Variants in ERCC3 observed in about 807,000 individuals in gnomAD.
ERCC3 encodes the protein ERCC excision repair 3, TFIIH core complex helicase subunit, also known as general transcription and DNA repair factor IIH helicase/translocase subunit XPB.
Under a neutral mutation model 94.2 loss-of-function variants are expected in ERCC3, and 66 were observed. That is an observed-to-expected ratio of 0.70 (90% CI 0.57 to 0.86). The LOEUF (loss-of-function observed/expected upper bound fraction) is 0.86. Ranked by LOEUF, ERCC3 falls within the 40% of genes least tolerant of loss-of-function variation. ERCC3 has a pLI of 0.00. For missense variants in ERCC3, 829 were observed against 987.1 expected, an observed-to-expected ratio of 0.84 and a Z score of 2.15; for synonymous variants, 349 against 369.1, an observed-to-expected ratio of 0.95 and a Z score of 0.63.
Position 127,279,814 on chromosome 2 carries a change from A to G in ERCC3, c.1528-439T>C, listed in dbSNP as rs149768980. Reference sequence around the variant, plus strand: ...AATCAGTACAACTGAAAATAAATGCATGCACAAAACTAAACCCAACCTAAT... The same window carrying G: ...AATCAGTACAACTGAAAATAAATGCGTGCACAAAACTAAACCCAACCTAAT... On this transcript the variant is annotated intron_variant, in intron 9 of 14. Coordinates refer to ENST00000285398, the MANE Select transcript of ERCC3 (RefSeq NM_000122.2). The surrounding 1 kb of genome is among the most constrained non-coding windows in gnomAD (Gnocchi z 4.7). 3.3e-5 allele frequency among the ~76,000 whole-genome samples: 5 copies of G among 152,324 alleles called. No homozygotes were observed. In the East Asian group the frequency reaches 9.6e-4, roughly 29 times the overall value.
At chr2:127,287,892 C>A (rs1685132178) in intron 7 of ERCC3, among the ~76,000 whole-genome samples, 1 of 152,100 alleles carries the variant, frequency 6.6e-6, no homozygotes, top group Non-Finnish European at 1.5e-5. Context: ...AAAAATCAAG[C>A]TTTTCCATTA....
chr2:127,257,860 T>C lies in ERCC3; in HGVS notation c.2218-133A>G. The C allele has an allele frequency of 9.8e-7, 1 of 1,022,506 alleles. No individual in the cohort carries two copies. 63.3% of individuals were successfully genotyped at this position (1,022,506 alleles called of 1,614,324 possible). ...CATCATTTTTAATAATGTTTACAGATCGCTTACTGTCTCAGGCATTGTTCT... is the reference window on the plus strand; with the variant it reads ...CATCATTTTTAATAATGTTTACAGACCGCTTACTGTCTCAGGCATTGTTCT... On this transcript the variant is annotated intron_variant, in intron 14 of 14. Coordinates refer to ENST00000285398, the MANE Select transcript of ERCC3 (RefSeq NM_000122.2). This position sits in a 1 kb window ranked among gnomAD's most constrained non-coding sequence, Gnocchi z 5.4.
Position 127,257,852 on chromosome 2 carries a change from T to TA in ERCC3, c.2218-126_2218-125insT. Reference sequence around the variant, plus strand: ...ATTTAATACATCATTTTTAATAATGTTTACAGATCGCTTACTGTCTCAGGC... The same window carrying TA: ...ATTTAATACATCATTTTTAATAATGTATTACAGATCGCTTACTGTCTCAGGC... On this transcript the variant is annotated intron_variant, in intron 14 of 14. Coordinates refer to ENST00000285398, the MANE Select transcript of ERCC3 (RefSeq NM_000122.2). This position sits in a 1 kb window ranked among gnomAD's most constrained non-coding sequence, Gnocchi z 5.4. 1 of 1,115,108 alleles carries TA rather than the reference T, an allele frequency of 9.0e-7. No homozygotes were observed. The highest frequency in any genetic ancestry group is 1.3e-6 in the Non-Finnish European group (1 of 757,750). 69.1% of individuals were successfully genotyped at this position (1,115,108 alleles called of 1,614,324 possible).
intron 3 of ERCC3, 50 bp downstream of exon 3, chr2:127,292,560 T>C (rs1337879191): frequency 8.4e-7 from 1 of 1,188,118 alleles, no homozygotes; most frequent in East Asian, 2.3e-5. Context: ...CCTATGCCTA[T>C]TGTTACATTA....
At chr2:127,270,749 T>G (rs1215895474) in intron 12 of ERCC3, among the ~76,000 whole-genome samples, 1 of 152,188 alleles carries the variant, frequency 6.6e-6, no homozygotes, top group East Asian at 1.9e-4. Context: ...ACAATGGCAG[T>G]CTGGGCCCTT....
chr2:127,285,612 C>A (rs1685039229), intron 8 of ERCC3, among the ~76,000 whole-genome samples: 2 of 152,140 alleles, frequency 1.3e-5, no homozygotes, highest in Non-Finnish European at 2.9e-5. Flanking sequence ...ATCACTTGAA[C>A]CCGGGAGGCA....
Position 127,259,489 on chromosome 2 carries a change from C to G in ERCC3, c.2065-41G>C, listed in dbSNP as rs1240725416. On this transcript the variant is annotated intron_variant, in intron 13 of 14. Coordinates refer to ENST00000285398, the MANE Select transcript of ERCC3 (RefSeq NM_000122.2). The surrounding 1 kb of genome is among the most constrained non-coding windows in gnomAD (Gnocchi z 4.9). ...CAGCAGACATGCCCCTTTCTGCTCTCTCTCCCCAGCCCTCCTCTGCCTTCT... is the reference window on the plus strand; with the variant it reads ...CAGCAGACATGCCCCTTTCTGCTCTGTCTCCCCAGCCCTCCTCTGCCTTCT... 6.2e-7 allele frequency: 1 copy of G among 1,612,772 alleles called. No individual in the cohort carries two copies. The highest frequency in any genetic ancestry group is 8.5e-7 in the Non-Finnish European group (1 of 1,179,912).
At position 127,279,316 on chromosome 2, in the gene ERCC3, T is replaced by C; in HGVS notation, c.1587A>G (p.Lys529=). 1.2e-6 allele frequency: 2 copies of C among 1,614,202 alleles called. No homozygotes were observed. The highest frequency in any genetic ancestry group is 1.7e-6 in the Non-Finnish European group (2 of 1,180,022). ...GGTTCATGGTGTACAGCAAGATTCG[T>C]TTCTTGGTTTTGATTGCCACATATT... ...YREYVAIKTK[K]RILLYTMNPN... is the part of the protein sequence containing the mutation. The change falls in exon 10 of 15, where the codon AAA becomes AAG. Residue 529 remains lysine, a synonymous_variant. Transcript: ENST00000285398. The surrounding 1 kb of genome is among the most constrained non-coding windows in gnomAD (Gnocchi z 4.7).
intron 13 of ERCC3, chr2:127,260,456 CTTG>C (rs1684156519): frequency 6.6e-6 from 1 of 152,298 alleles, no homozygotes; most frequent in Non-Finnish European, 1.5e-5. Context: ...ACCCAAGCAT[CTTG>C]TCCTCTAGGC....
rs770220564 is a variant in ERCC3, at chr2:127,259,427, T to C, written c.2086A>G (p.Met696Val). ...SFKVITKLAG[M>V]EEEDLAFSTK... ...GAAAACGCCAAGTCTTCCTCCTCCA[T>C]GCCAGCGAGTTTCGTGATCACCTGC... The change falls in exon 14 of 15, where the codon ATG (methionine) becomes GTG (valine). Residue 696 changes from methionine (M) to valine (V), a missense_variant. Coordinates refer to ENST00000285398, the MANE Select transcript of ERCC3 (RefSeq NM_000122.2). This position sits in a 1 kb window ranked among gnomAD's most constrained non-coding sequence, Gnocchi z 4.9. 18 of 1,614,196 alleles carry C rather than the reference T, an allele frequency of 1.1e-5. No homozygotes were observed. In the Admixed American group the frequency reaches 1.2e-4, roughly 10 times the overall value.
In ERCC3 at chr2:127,272,806, T is replaced by C. The variant is rs1280247964; in HGVS notation, c.1827+59A>G. 5.9e-6 allele frequency: 6 copies of C among 1,019,260 alleles called. No homozygotes were observed. The Admixed American group carries it at 8.5e-5, about 14-fold the overall frequency. 63.1% of individuals were successfully genotyped at this position (1,019,260 alleles called of 1,614,324 possible). A position where few individuals can be genotyped will look rare whatever the true frequency, so the allele number is the denominator to read the frequency against. ...AATTCACTGTCCAGGAATCATAGTG[T>C]ACCCCCCAGGTCCCCAGAGTGCTAG... On this transcript the variant is annotated intron_variant, in intron 11 of 14. Coordinates refer to ENST00000285398, the MANE Select transcript of ERCC3 (RefSeq NM_000122.2).
At position 127,283,891 on chromosome 2, in the gene ERCC3, C is replaced by T. The variant is rs150815722; in HGVS notation, c.1342+2812G>A. Among the ~76,000 whole-genome samples the T allele has an allele frequency of 4.8e-3, 736 of 152,248 alleles. 2 individuals are homozygous for T. Among genetic ancestry groups the T allele is most frequent in the African/African-American group, 0.017 (701 of 41,546 alleles). On this transcript the variant is annotated intron_variant, in intron 8 of 14. Transcript: ENST00000285398. ...GTGAAATGTCTATCAATTTCTTTGG[C>T]CTATTTCTTAACCTTTTTGCCATGG...
At position 127,280,512 on chromosome 2, in the gene ERCC3, G is replaced by A; in HGVS notation, c.1462C>T (p.Leu488Phe). Residue 488 changes from leucine to phenylalanine, a missense_variant, in exon 9 of 15, where the codon CTC (leucine) becomes TTC (phenylalanine). Leu to Phe is a conservative substitution (Grantham distance 22). Transcript: ENST00000285398. The surrounding 1 kb of genome is among the most constrained non-coding windows in gnomAD (Gnocchi z 6.3). ...AGCTCCATCCAGTTGGCTTCGTAGA[G>A]CTTAGGCCCAATCAGAAAATTTAAA... ...VDLNFLIGPK[L>F]YEANWMELQN... is the part of the protein sequence containing the mutation. 6.2e-7 allele frequency: 1 copy of A among 1,614,032 alleles called. No homozygotes were observed. The highest frequency in any genetic ancestry group is 8.5e-7 in the Non-Finnish European group (1 of 1,179,998).
At chr2:127,260,628 T>A (rs1306805245) in intron 13 of ERCC3, 1 of 154,192 alleles carries the variant, frequency 6.5e-6, no homozygotes, top group Non-Finnish European at 1.4e-5. Flanking sequence ...TCTTTTGCAA[T>A]CAAGAACCTG....
chr2:127,281,001 A>T (rs1448409710), intron 8 of ERCC3: 1 of 445,698 alleles, frequency 2.2e-6, no homozygotes, highest in Non-Finnish European at 3.9e-6. Flanking sequence ...AAAGGAGAAC[A>T]AGAGGGTGAA....
intron 1 of ERCC3, 66 bp downstream of exon 1, chr2:127,293,987 CG>C: frequency 1.3e-6 from 2 of 1,582,072 alleles, no homozygotes; most frequent in Non-Finnish European, 1.7e-6. Flanking sequence ...GGAGCAGCTC[CG>C]AGGCAGAGCG....
rs1025228104 is a variant in ERCC3 at position 127,274,039 on chromosome 2, C to T, written c.1731-1078G>A. Among the ~76,000 whole-genome samples, 2 of 151,638 alleles carry T rather than the reference C, an allele frequency of 1.3e-5. No homozygotes were observed. Among genetic ancestry groups the T allele is most frequent in the South Asian group, 2.1e-4 (1 of 4,800 alleles). On this transcript the variant is annotated intron_variant, in intron 10 of 14. Coordinates refer to ENST00000285398, the MANE Select transcript of ERCC3 (RefSeq NM_000122.2). This position sits in a 1 kb window ranked among gnomAD's most constrained non-coding sequence, Gnocchi z 4.0. ...TTAAAAAAAAAAAAATCCAGCCAGG[C>T]GCGGTGGCTCACACCTGTAATCCCA... is the stretch of plus-strand genomic sequence containing the variant.
chr2:127,293,741 T>G, intron 1 of ERCC3, 23 bp from the exon 2 acceptor site: 1 of 1,608,334 alleles, frequency 6.2e-7, no homozygotes, highest in Non-Finnish European at 8.5e-7. Flanking sequence ...AACACAGAAG[T>G]AAGCCCAGCA....
Position 127,264,775 on chromosome 2 carries a change from C to T in ERCC3, c.1946-3429G>A, listed in dbSNP as rs866988637. On this transcript the variant is annotated intron_variant, in intron 12 of 14. Transcript: ENST00000285398. This position sits in a 1 kb window ranked among gnomAD's most constrained non-coding sequence, Gnocchi z 4.4. ...CGTAGTATGAGTTAGGAAGAAGTCT[C>T]TCCTCCTCAATTTTTTTGAATAGTT... Among the ~76,000 whole-genome samples the T allele has an allele frequency of 2.1e-4, 32 of 150,908 alleles. No homozygotes were observed. In the Middle Eastern group the frequency reaches 0.021, roughly 98 times the overall value.
Sources: gnomAD v4.1 joint callset for allele counts (sites outside exome capture counted in the v4.1 genomes callset) on GRCh38, gnomAD v4.1.1 for gene constraint, Gnocchi (gnomAD v3.1) non-coding constraint, MANE v1.5 for transcripts, NCBI Gene and HGNC (gene_info 2026-07-23, HGNC 2026-07-21) for gene names.